Variants in MED13 observed in about 807,000 individuals in gnomAD.
MED13 encodes the protein mediator complex subunit 13.
Under a neutral mutation model 225.2 loss-of-function variants are expected in MED13, and 23 were observed. The observed-to-expected ratio is 0.10, with a 90% CI of 0.07 to 0.14. The LOEUF (loss-of-function observed/expected upper bound fraction) is 0.14. Among genes scored for constraint, MED13 ranks in the 10% least tolerant of loss-of-function variants. MED13 has a pLI of 1.00. For synonymous variants in MED13, 942 were observed against 889.2 expected, an observed-to-expected ratio of 1.06 and a Z score of -1.06; for missense variants, 2,197 against 2,594.5, an observed-to-expected ratio of 0.85 and a Z score of 3.33.
At chr17:62,003,286 TA>T (rs2080413202) in intron 9 of MED13, among the ~76,000 whole-genome samples, 1 of 152,112 alleles carries the variant, frequency 6.6e-6, no homozygotes, top group Non-Finnish European at 1.5e-5. Context: ...TCTATTATCA[TA>T]CTACAAAAAC....
chr17:62,036,210 TATAA>T (rs1300034366), intron 3 of MED13, among the ~76,000 whole-genome samples: 3 of 152,148 alleles, frequency 2.0e-5, no homozygotes, highest in African/African-American at 4.8e-5. Context: ...TATAAGAAAC[TATAA>T]ATGTTTTCTC....
chr17:62,029,076 G>A (rs1479148977), intron 8 of MED13, among the ~76,000 whole-genome samples: 4 of 152,014 alleles, frequency 2.6e-5, no homozygotes, highest in African/African-American at 7.2e-5. Flanking sequence ...CAGGAGGATC[G>A]ACTGAGGCCA....
At chr17:61,954,338 C>T (rs772753237) in intron 26 of MED13, among the ~76,000 whole-genome samples, 5 of 152,124 alleles carry the variant, frequency 3.3e-5, no homozygotes, top group African/African-American at 1.2e-4. Context: ...GGAAAAGCTA[C>T]GTCCCTACTT....
At chr17:62,002,120 A>G (rs1045263650) in intron 9 of MED13, among the ~76,000 whole-genome samples, 1 of 152,190 alleles carries the variant, frequency 6.6e-6, no homozygotes, top group African/African-American at 2.4e-5. Context: ...CTCTATGACT[A>G]AAGAGGTGTT....
chr17:62,042,097 G>A (rs970092345), intron 3 of MED13, among the ~76,000 whole-genome samples: 1 of 152,110 alleles, frequency 6.6e-6, no homozygotes, highest in Non-Finnish European at 1.5e-5. Flanking sequence ...AGCCTTCAGA[G>A]TAACTTTTAA....
rs1463094601 is a variant in MED13 at position 62,010,963 on chromosome 17, C to A, written c.1554G>T (p.Lys518Asn). 6.2e-7 allele frequency: 1 copy of A among 1,613,324 alleles called. No homozygotes were observed. The highest frequency in any genetic ancestry group is 8.5e-7 in the Non-Finnish European group (1 of 1,179,280). Residue 518 changes from lysine to asparagine, a missense_variant, in exon 9 of 30, where the codon AAG becomes AAT. By Grantham distance (94) the Lys-to-Asn change is moderately conservative. Transcript: ENST00000397786. ...FSNIRTNDVA[K>N]TPQMHGTEMA... Reference sequence around the variant, plus strand: ...TTTCGGTGCCATGCATCTGAGGAGTCTTTGCTACATCATTAGTTCGGATAT... The same window carrying A: ...TTTCGGTGCCATGCATCTGAGGAGTATTTGCTACATCATTAGTTCGGATAT...
At chr17:62,061,939 G>A (rs2081042235) in intron 2 of MED13, among the ~76,000 whole-genome samples, 1 of 152,170 alleles carries the variant, frequency 6.6e-6, no homozygotes, top group Non-Finnish European at 1.5e-5. Flanking sequence ...ACACTGGAGA[G>A]TATGTTCATT....
At chr17:61,988,757 T>C (rs2080269765) in intron 11 of MED13, among the ~76,000 whole-genome samples, 1 of 152,034 alleles carries the variant, frequency 6.6e-6, no homozygotes, top group Non-Finnish European at 1.5e-5. Flanking sequence ...AATGTATGTA[T>C]TGTGAAATGA....
Position 62,063,089 on chromosome 17 carries a change from G to A in MED13, c.279C>T (p.Asp93=). 1 of 1,613,956 alleles carries A rather than the reference G, an allele frequency of 6.2e-7. No homozygotes were observed. The highest frequency in any genetic ancestry group is 1.3e-5 in the African/African-American group (1 of 75,034). The change falls in exon 2 of 30, where the codon GAC becomes GAT. Residue 93 remains aspartate (D), a synonymous_variant. Transcript: ENST00000397786. The part of the protein sequence containing the change: ...FWWGEDPSFA[D]LIHHDLSEEE... ...CACCTGATAAGTCATGGTGAATAAG[G>A]TCAGCAAAACTGGGGTCTTCACCCC...
chr17:62,030,040 G>A (rs2080740049), intron 6 of MED13, 27 bp from the exon 7 acceptor site: 3 of 1,475,942 alleles, frequency 2.0e-6, no homozygotes, highest in African/African-American at 2.8e-5. Context: ...AAAACAGGCT[G>A]TAGGAGAATA....
chr17:61,976,981 A>G (rs1442044886), intron 16 of MED13, among the ~76,000 whole-genome samples: 1 of 152,320 alleles, frequency 6.6e-6, no homozygotes, highest in East Asian at 1.9e-4. Flanking sequence ...TATACAAACT[A>G]TACTTTGTAG....
At position 62,018,224 on chromosome 17, in the gene MED13, T is replaced by C. The variant is rs74721378; in HGVS notation, c.1284-6991A>G. Among the ~76,000 whole-genome samples the C allele has an allele frequency of 5.8e-3, 876 of 152,306 alleles. 7 individuals are homozygous for C. Among genetic ancestry groups the C allele is most frequent in the African/African-American group, 0.02 (834 of 41,560 alleles). ...GGCAATATTAATGAATGAAATATTT[T>C]GATACTCTGCATTGGCTGAATTCCA... On this transcript the variant is annotated intron_variant, in intron 8 of 29. Coordinates refer to ENST00000397786, the MANE Select transcript of MED13 (RefSeq NM_005121.3).
chr17:62,027,100 G>A (rs2143661329), intron 8 of MED13, among the ~76,000 whole-genome samples: 1 of 152,262 alleles, frequency 6.6e-6, no homozygotes, highest in Admixed American at 6.5e-5. Flanking sequence ...AAATTTCTAT[G>A]AAATTCAAAA....
Position 61,943,339 on chromosome 17 carries a change from T to C in MED13, c.*3129A>G, listed in dbSNP as rs953580806. Reference sequence around the variant, plus strand: ...TTTAAAAACTTTTTAATCTATTCAATTTGAACATTTTAAATAATGCAACAT... The same window carrying C: ...TTTAAAAACTTTTTAATCTATTCAACTTGAACATTTTAAATAATGCAACAT... On this transcript the variant is annotated 3_prime_UTR_variant, in exon 30 of 30. Coordinates refer to ENST00000397786, the MANE Select transcript of MED13 (RefSeq NM_005121.3). 2 of 152,600 alleles carry C rather than the reference T, an allele frequency of 1.3e-5. No homozygotes were observed. Among genetic ancestry groups the C allele is most frequent in the African/African-American group, 4.8e-5 (2 of 41,456 alleles). 9.5% of individuals were successfully genotyped at this position (152,600 alleles called of 1,614,324 possible). A position where few individuals can be genotyped will look rare whatever the true frequency, so the allele number is the denominator to read the frequency against.
intron 9 of MED13, among the ~76,000 whole-genome samples, chr17:62,000,914 C>T (rs1347367904): frequency 1.3e-5 from 2 of 152,082 alleles, no homozygotes; most frequent in Non-Finnish European, 2.9e-5. Flanking sequence ...AGGCGCCTGC[C>T]ACCACGCCCA....
chr17:62,062,315 G>C (rs2081045037), intron 2 of MED13, among the ~76,000 whole-genome samples: 1 of 152,104 alleles, frequency 6.6e-6, no homozygotes, highest in Non-Finnish European at 1.5e-5. Context: ...AAAAGCTATA[G>C]TTTCTCTTTC....
At chr17:62,017,002 C>T (rs957872561) in intron 8 of MED13, among the ~76,000 whole-genome samples, 5 of 151,048 alleles carry the variant, frequency 3.3e-5, no homozygotes, top group Non-Finnish European at 5.9e-5. Context: ...CAGAATGAGA[C>T]TCCACCTCAA....
At chr17:61,950,381 AGTT>A (rs955602095) in intron 28 of MED13, among the ~76,000 whole-genome samples, 5 of 151,690 alleles carry the variant, frequency 3.3e-5, no homozygotes, top group Non-Finnish European at 7.4e-5. Context: ...TTTAAAAACT[AGTT>A]GTTTTTTTTT....
At chr17:62,040,398 A>G (rs1438879085) in intron 3 of MED13, among the ~76,000 whole-genome samples, 1 of 152,240 alleles carries the variant, frequency 6.6e-6, no homozygotes, top group Non-Finnish European at 1.5e-5. Context: ...ACAATCTTCC[A>G]TCGTGGAAAA....
Sources: allele counts gnomAD v4.1 joint callset (sites outside exome capture counted in the v4.1 genomes callset), GRCh38; gene constraint gnomAD v4.1.1; transcripts MANE v1.5; gene names NCBI Gene and HGNC (gene_info 2026-07-23, HGNC 2026-07-21).